Variants in KLRG1 observed in about 807,000 individuals in gnomAD.
KLRG1 encodes the protein killer cell lectin-like receptor subfamily G member 1.
Under a neutral mutation model 21.8 loss-of-function variants are expected in KLRG1, and 16 were observed. The ratio of observed to expected loss-of-function variants is 0.73; its 90% CI spans 0.50 to 1.11. The LOEUF (loss-of-function observed/expected upper bound fraction) is 1.11. KLRG1 is among the 50% of genes most tolerant of loss of function. The pLI, the probability that KLRG1 is intolerant of heterozygous loss-of-function variation, is 0.00. For missense variants in KLRG1, 173 were observed against 218.3 expected, an observed-to-expected ratio of 0.79 and a Z score of 1.31; for synonymous variants, 69 against 75.9, an observed-to-expected ratio of 0.91 and a Z score of 0.47.
chr12:9,175,185 A>C, the KLRG1 span, among the ~76,000 whole-genome samples: 19 of 152,232 alleles, frequency 1.2e-4, no homozygotes, highest in Admixed American at 1.1e-3. Context: ...ATCTTTGACA[A>C]ACTTGACAAA....
chr12:9,073,200 C>G, the KLRG1 span, among the ~76,000 whole-genome samples: 1 of 152,166 alleles, frequency 6.6e-6, no homozygotes, highest in Non-Finnish European at 1.5e-5. Context: ...GCTAACATGT[C>G]TTTCTTGACA....
the KLRG1 span, chr12:9,101,193 T>TCCC: frequency 1.3e-6 from 2 of 1,560,114 alleles, no homozygotes; most frequent in Non-Finnish European, 1.7e-6. Context: ...GGACAATGCC[T>TCCC]CCCTTTGCCA....
chr12:9,127,597 G>A, the KLRG1 span, among the ~76,000 whole-genome samples: 1 of 152,118 alleles, frequency 6.6e-6, no homozygotes. Context: ...GCACTTTGGA[G>A]TCGGGGGCGC....
the KLRG1 span, chr12:9,169,492 G>T: frequency 6.2e-7 from 1 of 1,612,582 alleles, no homozygotes; most frequent in East Asian, 2.2e-5. Context: ...GCTCCATTAT[G>T]AATGAAGAAA....
At chr12:9,103,954 G>A in the KLRG1 span, among the ~76,000 whole-genome samples, 2 of 152,096 alleles carry the variant, frequency 1.3e-5, no homozygotes, top group African/African-American at 2.4e-5. Flanking sequence ...GGATCATTTG[G>A]TAATTCTATT....
chr12:9,163,566 A>T, the KLRG1 span: 12 of 1,308,874 alleles, frequency 9.2e-6, no homozygotes, highest in Non-Finnish European at 1.3e-5. Context: ...GTCTTACAGG[A>T]TGTATTGTGT....
chr12:8,982,449 A>C (rs773148625), intron 1 of KLRG1, among the ~76,000 whole-genome samples: 3 of 152,318 alleles, frequency 2.0e-5, no homozygotes, highest in East Asian at 3.9e-4. Flanking sequence ...ACTTTAAGAA[A>C]ATAAATATAT....
At chr12:9,179,532 C>T in the KLRG1 span, among the ~76,000 whole-genome samples, 1 of 152,158 alleles carries the variant, frequency 6.6e-6, no homozygotes, top group African/African-American at 2.4e-5. Flanking sequence ...TGTAGTAGGT[C>T]ATTTTTTAAA....
the KLRG1 span, among the ~76,000 whole-genome samples, chr12:9,209,547 A>G: frequency 1.3e-5 from 2 of 152,082 alleles, no homozygotes; most frequent in Admixed American, 1.3e-4. Context: ...ATTTCTTCTT[A>G]AGAAATGAAA....
the KLRG1 span, among the ~76,000 whole-genome samples, chr12:9,197,608 T>C: frequency 9.8e-6 from 1 of 102,494 alleles, no homozygotes; most frequent in Non-Finnish European, 1.7e-5. Context: ...ATATAATATA[T>C]ATTATATATT....
chr12:9,040,621 T>G, the KLRG1 span, among the ~76,000 whole-genome samples: 1 of 152,234 alleles, frequency 6.6e-6, no homozygotes, highest in Non-Finnish European at 1.5e-5. Flanking sequence ...CTGAATCACT[T>G]TCAGACTTTC....
chr12:9,203,241 A>G, the KLRG1 span, among the ~76,000 whole-genome samples: 1 of 150,746 alleles, frequency 6.6e-6, no homozygotes, highest in South Asian at 2.1e-4. Context: ...TGAAATTTAG[A>G]AGAGTATTTC....
chr12:9,107,667 G>A, the KLRG1 span: 1 of 1,611,960 alleles, frequency 6.2e-7, no homozygotes, highest in East Asian at 2.2e-5. Flanking sequence ...CATTCCCAAA[G>A]GAATCAGAGC....
chr12:9,091,125 T>G, the KLRG1 span: 1 of 1,497,908 alleles, frequency 6.7e-7, no homozygotes, highest in East Asian at 2.3e-5. Context: ...TACAAGAGTT[T>G]GCAGTATTCC....
chr12:9,145,681 T>A, the KLRG1 span, among the ~76,000 whole-genome samples: 1 of 152,216 alleles, frequency 6.6e-6, no homozygotes, highest in Non-Finnish European at 1.5e-5. Flanking sequence ...TTAGTGTCCT[T>A]TTCTTTCAGT....
chr12:9,145,377 ATATCTTGTAGTT>A, the KLRG1 span, among the ~76,000 whole-genome samples: 1 of 152,190 alleles, frequency 6.6e-6, no homozygotes, highest in East Asian at 1.9e-4. Context: ...TCTACACAAA[ATATCTTGTAGTT>A]ATAGCAGTCT....
the KLRG1 span, among the ~76,000 whole-genome samples, chr12:9,191,370 T>C: frequency 6.6e-6 from 1 of 152,126 alleles, no homozygotes; most frequent in Non-Finnish European, 1.5e-5. Flanking sequence ...AAACTGATAT[T>C]CAAAACTGGC....
the KLRG1 span, among the ~76,000 whole-genome samples, chr12:9,054,576 T>C: frequency 1.7e-4 from 26 of 152,268 alleles, no homozygotes; most frequent in Admixed American, 1.7e-3. Flanking sequence ...GTTAGGAGCT[T>C]TCCTAACACA....
At chr12:8,978,569 T>C (rs1946694162) in intron 1 of KLRG1, among the ~76,000 whole-genome samples, 1 of 152,216 alleles carries the variant, frequency 6.6e-6, no homozygotes, top group Admixed American at 6.5e-5. Context: ...TTTCTCTTGG[T>C]CTGTGAGGTT....
Sources: gnomAD v4.1 joint callset for allele counts (sites outside exome capture counted in the v4.1 genomes callset) on GRCh38, gnomAD v4.1.1 for gene constraint, MANE v1.5 for transcripts, NCBI Gene and HGNC (gene_info 2026-07-23, HGNC 2026-07-21) for gene names.